The following GDA variants were observed in gnomAD, a reference collection of about 807,000 sequenced individuals.
GDA encodes the protein guanine deaminase.
GDA carries 18 observed loss-of-function variants against 59.6 expected under a neutral mutation model. The ratio of observed to expected loss-of-function variants is 0.30; its 90% confidence interval spans 0.21 to 0.45. GDA has a LOEUF of 0.45. GDA is among the 20% of genes least tolerant of loss of function. The pLI is 1.00. For synonymous variants in GDA, 201 were observed against 201.1 expected (o/e 1.00, Z 0.00); for missense variants, 427 against 552.3 (o/e 0.77, Z 2.27).
chr9:72,130,377 A>G (rs1825984602), intron 1 of GDA, among the ~76,000 whole-genome samples: 1 of 152,240 alleles, frequency 6.6e-6, no homozygotes, highest in African/African-American at 2.4e-5. Flanking sequence ...AACTTAGTGC[A>G]TGTAAATGAA....
At chr9:72,144,420 A>G (rs1329312498), upstream of GDA, among the ~76,000 whole-genome samples, 1 of 152,216 alleles carries the variant, frequency 6.6e-6, no homozygotes, top group African/African-American at 2.4e-5. Flanking sequence ...TTACAGTAAT[A>G]CTATGAAAGC....
At chr9:72,160,790 A>C (rs994598026) in intron 1 of GDA, among the ~76,000 whole-genome samples, 1 of 152,158 alleles carries the variant, frequency 6.6e-6, no homozygotes, top group African/African-American at 2.4e-5. Flanking sequence ...GGCCTTGCTG[A>C]CTGTTTGCCC....
At chr9:72,149,042 A>G (rs1340183587), upstream of GDA, among the ~76,000 whole-genome samples, 1 of 152,154 alleles carries the variant, frequency 6.6e-6, no homozygotes, top group African/African-American at 2.4e-5. Flanking sequence ...GACCAATACT[A>G]ATTCTGCAGT....
intron 1 of GDA, among the ~76,000 whole-genome samples, chr9:72,189,222 C>T (rs1165457263): frequency 7.7e-6 from 1 of 129,710 alleles, no homozygotes; most frequent in Non-Finnish European, 1.6e-5. Flanking sequence ...CTTTGTCACA[C>T]AGGCTGGAAC....
At chr9:72,139,394 AAGTAC>A (rs1235845774) in intron 1 of GDA, among the ~76,000 whole-genome samples, 25 of 152,266 alleles carry the variant, frequency 1.6e-4, no homozygotes, top group African/African-American at 5.8e-4. Context: ...AGCTAAAAGG[AAGTAC>A]ATTCCTTATG....
chr9:72,226,603 G>A (rs537455018), intron 8 of GDA, among the ~76,000 whole-genome samples: 12 of 152,266 alleles, frequency 7.9e-5, no homozygotes, highest in African/African-American at 2.4e-4. Flanking sequence ...TGTACAAACC[G>A]CATGGAGAGT....
intron 1 of GDA, among the ~76,000 whole-genome samples, chr9:72,194,362 C>T (rs1475799675): frequency 6.6e-6 from 1 of 152,138 alleles, no homozygotes; most frequent in African/African-American, 2.4e-5. Context: ...TCCTTCAAGG[C>T]ATCAGGTTCC....
chr9:72,156,822 C>T (rs1827946986), intron 1 of GDA, among the ~76,000 whole-genome samples: 1 of 152,066 alleles, frequency 6.6e-6, no homozygotes, highest in Admixed American at 6.6e-5. Flanking sequence ...GAAGTTTGCT[C>T]AGAAGCTTCT....
chr9:72,225,010 G>A (rs549420638), intron 7 of GDA, among the ~76,000 whole-genome samples: 46 of 152,214 alleles, frequency 3.0e-4, no homozygotes, highest in Admixed American at 2.2e-3. Context: ...GGCCAGTCAC[G>A]GTGGCTCACG....
chr9:72,149,767 G>C (rs1306226084), intron 1 of GDA, 85 bp downstream of exon 1: 1 of 1,385,500 alleles, frequency 7.2e-7, no homozygotes. Context: ...GTAGCCCGGG[G>C]TTCGCTCGGT....
intron 3 of GDA, 67 bp downstream of exon 3, chr9:72,202,809 C>A: frequency 8.1e-7 from 1 of 1,234,538 alleles, no homozygotes. Context: ...TTTCCTAGGA[C>A]AGATTTAAAT....
At chr9:72,129,947 C>A (rs953417009) in intron 1 of GDA, among the ~76,000 whole-genome samples, 1 of 152,104 alleles carries the variant, frequency 6.6e-6, no homozygotes, top group Non-Finnish European at 1.5e-5. Flanking sequence ...AACCTTTGAG[C>A]CAGAGAATTT....
intron 3 of GDA, among the ~76,000 whole-genome samples, 160 bp downstream of exon 3, chr9:72,202,902 A>T (rs1188574102): frequency 7.8e-6 from 1 of 128,836 alleles, no homozygotes; most frequent in Non-Finnish European, 1.7e-5. Flanking sequence ...GTTTGTGACC[A>T]CCTCACCTAC....
At position 72,205,129 on chromosome 9, in the gene GDA, A is replaced by AAT. The variant is rs1359688792; in HGVS notation, c.384+2388_384+2389insTA. On this transcript the variant is annotated intron_variant, in intron 3 of 13. Transcript: ENST00000358399. ...CTGTCTCAAAAAAAAAAAAAAAAAAAAAATTGCGGAGCACATATCCTATGT... is the reference window on the plus strand; with the variant it reads ...CTGTCTCAAAAAAAAAAAAAAAAAAAATAAATTGCGGAGCACATATCCTATGT... Among the ~76,000 whole-genome samples, 421 of 151,570 alleles carry AAT rather than the reference A, an allele frequency of 2.8e-3. 2 individuals are homozygous for AAT. Among genetic ancestry groups the AAT allele is most frequent in the African/African-American group, 9.0e-3 (372 of 41,254 alleles).
Position 72,249,343 on chromosome 9 carries a change from A to T in GDA, c.*1001A>T, listed in dbSNP as rs1840465853. Reference sequence around the variant, plus strand: ...TCTGGAAATTCCATACTCAGATATCAGTCTGCTAGAACTTTAAAATGAAGG... The same window carrying T: ...TCTGGAAATTCCATACTCAGATATCTGTCTGCTAGAACTTTAAAATGAAGG... On this transcript the variant is annotated 3_prime_UTR_variant, in exon 14 of 14. Transcript: ENST00000358399. 5.1e-6 allele frequency: 5 copies of T among 975,306 alleles called. No individual in the cohort carries two copies. The South Asian group carries it at 1.9e-4, about 37-fold the overall frequency. The allele number at this position is 975,306 out of a possible 1,614,324, so 60.4% of individuals were successfully genotyped here. A position where few individuals can be genotyped will look rare whatever the true frequency, so the allele number is the denominator to read the frequency against.
At chr9:72,161,021 C>T (rs111892487) in intron 1 of GDA, among the ~76,000 whole-genome samples, 3,436 of 152,136 alleles carry the variant, frequency 0.023, 81 homozygotes, top group Non-Finnish European at 0.035. Flanking sequence ...ATTCTCCACC[C>T]GCCACCTCTC....
At chr9:72,141,542 T>A (rs573797792) in intron 1 of GDA, among the ~76,000 whole-genome samples, 2 of 152,142 alleles carry the variant, frequency 1.3e-5, no homozygotes, top group African/African-American at 2.4e-5. Flanking sequence ...TACACCTATC[T>A]AAAGAGGCAC....
At chr9:72,192,646 C>T (rs1445854249) in intron 1 of GDA, among the ~76,000 whole-genome samples, 1 of 151,260 alleles carries the variant, frequency 6.6e-6, no homozygotes, top group Non-Finnish European at 1.5e-5. Context: ...CTTTGGGAAG[C>T]CAAGGCAGGC....
Position 72,223,151 on chromosome 9 carries a change from GT to G in GDA, c.643del (p.Ser215ProfsTer8). On this transcript the variant is annotated frameshift_variant, in exon 7 of 14. Coordinates refer to ENST00000358399, the MANE Select transcript of GDA (RefSeq NM_004293.5). LOFTEE classifies it high-confidence loss of function. ...YSRVKPIVTP[R>X]FSLSCSETLM... is the part of the protein sequence containing the mutation. Reference sequence around the variant, plus strand: ...AGAGTGAAGCCCATAGTGACACCACGTTTTTCCCTCTCCTGCTCTGAGACTT... The same window carrying G: ...AGAGTGAAGCCCATAGTGACACCACGTTTTCCCTCTCCTGCTCTGAGACTT... 2 of 1,610,804 alleles carry G rather than the reference GT, an allele frequency of 1.2e-6. No individual in the cohort carries two copies. The highest frequency in any genetic ancestry group is 1.7e-6 in the Non-Finnish European group (2 of 1,177,072).
Sources: gnomAD v4.1 joint callset for allele counts (sites outside exome capture counted in the v4.1 genomes callset) on GRCh38, gnomAD v4.1.1 for gene constraint, MANE v1.5 for transcripts, NCBI Gene and HGNC (gene_info 2026-07-23, HGNC 2026-07-21) for gene names.